Variants in SPHK2 observed in about 807,000 individuals in gnomAD.
SPHK2 encodes sphingosine kinase 2.
A neutral mutation model predicts 32.3 loss-of-function variants in SPHK2; 18 were observed. That is an observed-to-expected ratio of 0.56 (90% CI 0.39 to 0.83). The LOEUF (loss-of-function observed/expected upper bound fraction) is 0.83, where lower values mean the gene tolerates loss of function less well. SPHK2 is among the 40% of genes least tolerant of loss of function. SPHK2 has a pLI of 0.00. For missense variants in SPHK2, 850 were observed against 908.7 expected (o/e 0.94, Z 0.83); for synonymous variants, 462 against 417.6 (o/e 1.11, Z -1.30).
At position 48,630,077 on chromosome 19, in the gene SPHK2, G is replaced by C; in HGVS notation, c.*304G>C. ...GACGCTTGCCACCTGCTCCTACCCGGCCAGGATGGCTGAGGGCGGAGTCTA... is the reference window on the plus strand; with the variant it reads ...GACGCTTGCCACCTGCTCCTACCCGCCCAGGATGGCTGAGGGCGGAGTCTA... On this transcript the variant is annotated 3_prime_UTR_variant, in exon 7 of 7. Transcript: ENST00000245222. The surrounding 1 kb of genome is among the most constrained non-coding windows in gnomAD (Gnocchi z 4.9). The C allele has an allele frequency of 5.5e-6, 7 of 1,280,982 alleles. No homozygotes were observed. The highest frequency in any genetic ancestry group is 6.9e-6 in the Non-Finnish European group (7 of 1,013,968). 79.4% of individuals were successfully genotyped at this position (1,280,982 alleles called of 1,614,324 possible). A position where few individuals can be genotyped will look rare whatever the true frequency, so the allele number is the denominator to read the frequency against.
chr19:48,621,118 T>A (rs1484349798), intron 2 of SPHK2, among the ~76,000 whole-genome samples: 2 of 152,036 alleles, frequency 1.3e-5, no homozygotes, highest in East Asian at 3.9e-4. Flanking sequence ...TCGCTCTTGT[T>A]GCCCAGGCTG....
intron 3 of SPHK2, 117 bp from the exon 4 acceptor site, chr19:48,627,575 C>T (rs2147692284): frequency 4.8e-6 from 6 of 1,262,688 alleles, no homozygotes; most frequent in Middle Eastern, 2.9e-4. Context: ...CACATGAGAG[C>T]CAGCAGGTCC....
In SPHK2 at chr19:48,629,132, C is replaced by A; in HGVS notation, c.1324C>A (p.Pro442Thr). 1 of 1,613,466 alleles carries A rather than the reference C, an allele frequency of 6.2e-7. No homozygotes were observed. Among genetic ancestry groups the A allele is most frequent in the Non-Finnish European group, 8.5e-7 (1 of 1,179,874 alleles). Residue 442 changes from proline to threonine, a missense_variant, in exon 7 of 7, where the codon CCC becomes ACC. Around this residue, in one of 2 missense-constraint regions of SPHK2, gnomAD observed 544 missense variants for 640.0 expected, o/e 0.85. Coordinates refer to ENST00000245222, the MANE Select transcript of SPHK2 (RefSeq NM_020126.5). ...LASPGSPEPLPILSLNGGGPE... is the reference protein window; with the variant it reads ...LASPGSPEPLTILSLNGGGPE... ...CTCTCCTGGCTCGCCAGAACCCCTG[C>A]CCATCCTGTCCCTCAACGGTGGGGG... is the stretch of plus-strand genomic sequence containing the variant.
At chr19:48,620,618 TAAAAAA>T in intron 2 of SPHK2, 65 bp downstream of exon 2, 1 of 1,026,144 alleles carries the variant, frequency 9.7e-7, no homozygotes, top group Non-Finnish European at 1.4e-6. Context: ...AGCTTTTCTT[TAAAAAA>T]AAAAAAAAAA....
chr19:48,625,343 C>T, intron 2 of SPHK2: 2 of 1,142,010 alleles, frequency 1.8e-6, no homozygotes, highest in South Asian at 3.6e-5. Context: ...GGCTCTCAGA[C>T]CCTATCTCTA....
Position 48,628,349 on chromosome 19 carries a change from C to G in SPHK2, c.872+72C>G. 1 of 1,374,120 alleles carries G rather than the reference C, an allele frequency of 7.3e-7. No homozygotes were observed. Among genetic ancestry groups the G allele is most frequent in the Non-Finnish European group, 1.0e-6 (1 of 970,630 alleles). The allele number at this position is 1,374,120 out of a possible 1,614,324, so 85.1% of individuals were successfully genotyped here. ...GATAGGGACCCCTATATCTCCCACT[C>G]AGCCAAACCCACAGTCAGTCAAGTA... On this transcript the variant is annotated intron_variant, in intron 6 of 6. Coordinates refer to ENST00000245222, the MANE Select transcript of SPHK2 (RefSeq NM_020126.5). This position sits in a 1 kb window ranked among gnomAD's most constrained non-coding sequence, Gnocchi z 5.2.
chr19:48,629,625 G>C lies in SPHK2; in HGVS notation c.1817G>C (p.Arg606Pro). 2 of 1,599,502 alleles carry C rather than the reference G, an allele frequency of 1.3e-6. No homozygotes were observed. The highest frequency in any genetic ancestry group is 1.7e-6 in the Non-Finnish European group (2 of 1,173,732). ...GCPQLGYAAA[R>P]AFRLEPLTPR... ...CCGCAGCTGGGCTACGCCGCGGCCC[G>C]TGCCTTCCGCCTAGAGCCGCTCACA... Residue 606 changes from arginine (R) to proline (P), a missense_variant, in exon 7 of 7, where the codon CGT becomes CCT. Arg to Pro is a moderately radical substitution (Grantham distance 103, BLOSUM62 -2). Transcript: ENST00000245222.
At chr19:48,625,588 T>G in intron 2 of SPHK2, 2 of 1,423,784 alleles carry the variant, frequency 1.4e-6, no homozygotes, top group Non-Finnish European at 9.3e-7. Context: ...TTTGGGGCTA[T>G]TTTGTCTCCT....
chr19:48,621,172 C>T (rs770272068), intron 2 of SPHK2, among the ~76,000 whole-genome samples: 6 of 152,042 alleles, frequency 3.9e-5, no homozygotes, highest in Admixed American at 3.9e-4. Flanking sequence ...CTCCGCCTCC[C>T]GGGTTCAAGC....
At chr19:48,623,312 C>T (rs1263489027) in intron 2 of SPHK2, 2 of 151,822 alleles carry the variant, frequency 1.3e-5, no homozygotes, top group African/African-American at 4.8e-5. Flanking sequence ...GGACTCCTGA[C>T]CTGGCGATCC....
chr19:48,625,659 G>A (rs1212173910), intron 2 of SPHK2: 1 of 1,532,164 alleles, frequency 6.5e-7, no homozygotes, highest in Non-Finnish European at 8.7e-7. Context: ...TACTTACTGG[G>A]GAATAAATGA....
intron 2 of SPHK2, among the ~76,000 whole-genome samples, chr19:48,621,200 C>T (rs923453790): frequency 6.6e-6 from 1 of 152,192 alleles, no homozygotes; most frequent in Admixed American, 6.5e-5. Flanking sequence ...CTGCCTCAAC[C>T]TCCCAAGTAG....
Position 48,626,098 on chromosome 19 carries a change from C to A in SPHK2, c.247C>A (p.Pro83Thr). The A allele has an allele frequency of 6.2e-7, 1 of 1,611,808 alleles. No individual in the cohort carries two copies. The highest frequency in any genetic ancestry group is 8.5e-7 in the Non-Finnish European group (1 of 1,179,030). Residue 83 changes from proline to threonine, a missense_variant, in exon 3 of 7, where the codon CCT becomes ACT. Coordinates refer to ENST00000245222, the MANE Select transcript of SPHK2 (RefSeq NM_020126.5). ...ALHIQRLRPK[P>T]EARPRGGLVP... is the part of the protein sequence containing the mutation. ...GCACATACAGCGGCTGCGCCCCAAA[C>A]CTGAAGCCAGGCCCCGGGGTGGCCT...
At chr19:48,621,646 C>G (rs1974409318) in intron 2 of SPHK2, among the ~76,000 whole-genome samples, 1 of 151,684 alleles carries the variant, frequency 6.6e-6, no homozygotes, top group Admixed American at 6.6e-5. Context: ...CTGGCCCAGT[C>G]AGATTAACAT....
chr19:48,620,905 AGTG>A (rs1568427999), intron 2 of SPHK2: 1 of 178,812 alleles, frequency 5.6e-6, no homozygotes, highest in Non-Finnish European at 1.2e-5. Context: ...TGGGTGACAG[AGTG>A]AGACTCCGTC....
intron 3 of SPHK2, chr19:48,626,563 C>T: frequency 1.5e-6 from 1 of 669,466 alleles, no homozygotes; most frequent in South Asian, 2.7e-5. Flanking sequence ...GTCTGTAATC[C>T]TAGCAATTTG....
At position 48,629,677 on chromosome 19, in the gene SPHK2, G is replaced by T. The variant is rs567934961; in HGVS notation, c.1869G>T (p.Gly623=). 1.2e-6 allele frequency: 2 copies of T among 1,608,140 alleles called. No individual in the cohort carries two copies. Among genetic ancestry groups the T allele is most frequent in the South Asian group, 2.2e-5 (2 of 90,260 alleles). ...CACGCGGCGTGCTCACAGTGGACGG[G>T]GAGCAGGTGGAGTATGGGCCGCTAC... ...LTPRGVLTVD[G]EQVEYGPLQA... is the part of the protein sequence containing the mutation. Residue 623 remains glycine, a synonymous_variant, in exon 7 of 7, where the codon GGG becomes GGT. Coordinates refer to ENST00000245222, the MANE Select transcript of SPHK2 (RefSeq NM_020126.5).
intron 2 of SPHK2, chr19:48,625,569 A>G: frequency 1.5e-6 from 2 of 1,377,546 alleles, no homozygotes; most frequent in Non-Finnish European, 1.9e-6. Flanking sequence ...ATTCCTATGA[A>G]GGCAAGGATT....
At position 48,629,646 on chromosome 19, in the gene SPHK2, T is replaced by A; in HGVS notation, c.1838T>A (p.Leu613His). 1.2e-6 allele frequency: 2 copies of A among 1,603,422 alleles called. No homozygotes were observed. The highest frequency in any genetic ancestry group is 1.7e-4 in the Middle Eastern group (1 of 6,052). ...GCCCGTGCCTTCCGCCTAGAGCCGCTCACACCACGCGGCGTGCTCACAGTG... is the reference window on the plus strand; with the variant it reads ...GCCCGTGCCTTCCGCCTAGAGCCGCACACACCACGCGGCGTGCTCACAGTG... Reference protein sequence around the residue: ...AAARAFRLEPLTPRGVLTVDG... With the variant: ...AAARAFRLEPHTPRGVLTVDG... Residue 613 changes from leucine to histidine, a missense_variant, in exon 7 of 7, where the codon CTC becomes CAC. By Grantham distance (99) the Leu-to-His change is moderately conservative. Coordinates refer to ENST00000245222, the MANE Select transcript of SPHK2 (RefSeq NM_020126.5).
Sources: allele counts gnomAD v4.1 joint callset (sites outside exome capture counted in the v4.1 genomes callset), GRCh38; gene constraint gnomAD v4.1.1; regional missense constraint gnomAD v4.1.1; non-coding constraint Gnocchi (gnomAD v3.1); transcripts MANE v1.5; gene names NCBI Gene and HGNC (gene_info 2026-07-23, HGNC 2026-07-21).